SPRED1: variants seen among roughly 807,000 people sequenced by gnomAD.
SPRED1 encodes sprouty-related, EVH1 domain-containing protein 1.
In SPRED1, 18 loss-of-function variants were observed where a neutral mutation model predicts 52.3. The observed-to-expected ratio is 0.34, with a 90% confidence interval of 0.24 to 0.51. The LOEUF is 0.51. Ranked by LOEUF, SPRED1 falls within the 20% of genes least tolerant of loss-of-function variation. SPRED1 has a pLI of 0.97. For missense variants in SPRED1, 485 were observed against 551.0 expected (o/e 0.88, Z 1.20); for synonymous variants, 155 against 179.7 (o/e 0.86, Z 1.10).
At chr15:38,268,917 A>G (rs137994512) in intron 1 of SPRED1, among the ~76,000 whole-genome samples, 2 of 151,260 alleles carry the variant, frequency 1.3e-5, no homozygotes, top group African/African-American at 4.8e-5. Flanking sequence ...AACAGAAATC[A>G]TATTTATAGT....
In SPRED1 at chr15:38,354,327, A is replaced by T. The variant is rs1429664834; in HGVS notation, c.*2663A>T. The T allele has an allele frequency of 6.6e-6, 1 of 152,260 alleles. No homozygotes were observed. The highest frequency in any genetic ancestry group is 1.5e-5 in the Non-Finnish European group (1 of 68,048). 9.4% of individuals were successfully genotyped at this position (152,260 alleles called of 1,614,324 possible). ...AAACTTTTCTTTGTTTTTATCTGAT[A>T]TAAGCAGATGGCTCAAGACAACTGC... is the stretch of plus-strand genomic sequence containing the variant. On this transcript the variant is annotated 3_prime_UTR_variant, in exon 7 of 7. Transcript: ENST00000299084.
chr15:38,349,619 G>A, intron 6 of SPRED1, 96 bp downstream of exon 6: 5 of 908,266 alleles, frequency 5.5e-6, no homozygotes, highest in South Asian at 4.3e-5. Context: ...TAGTTGAATT[G>A]TACTAGAAAA....
intron 1 of SPRED1, among the ~76,000 whole-genome samples, chr15:38,260,684 CTA>C (rs1474053309): frequency 1.3e-5 from 2 of 152,070 alleles, no homozygotes; most frequent in Non-Finnish European, 1.5e-5. Flanking sequence ...ATTTCAATAA[CTA>C]TGTCAATATA....
At chr15:38,317,715 A>T (rs1304105083) in intron 2 of SPRED1, among the ~76,000 whole-genome samples, 1 of 151,826 alleles carries the variant, frequency 6.6e-6, no homozygotes, top group Admixed American at 6.6e-5. Context: ...TAGCCCTTAA[A>T]ATTATTTTTG....
chr15:38,331,209 A>G (rs1014268757), intron 4 of SPRED1, among the ~76,000 whole-genome samples: 1 of 152,166 alleles, frequency 6.6e-6, no homozygotes, highest in East Asian at 1.9e-4. Context: ...TAGACAATAC[A>G]CATTAGCCTG....
intron 4 of SPRED1, among the ~76,000 whole-genome samples, chr15:38,335,754 T>A (rs1228822885): frequency 6.6e-6 from 1 of 152,018 alleles, no homozygotes; most frequent in Non-Finnish European, 1.5e-5. Flanking sequence ...TAAGACCCTG[T>A]CTCTTGAAAA....
intron 4 of SPRED1, among the ~76,000 whole-genome samples, chr15:38,338,282 C>T: frequency 8.1e-6 from 1 of 123,726 alleles, no homozygotes. Flanking sequence ...GGTCTTTTCT[C>T]ACCCATTTTT....
chr15:38,308,993 G>A (rs1895308457), intron 2 of SPRED1, among the ~76,000 whole-genome samples: 6 of 152,106 alleles, frequency 3.9e-5, no homozygotes, highest in Admixed American at 3.9e-4. Context: ...ATTTCAAGTA[G>A]CCACTATTTT....
Position 38,321,835 on chromosome 15 carries a change from T to A in SPRED1, c.208-406T>A, listed in dbSNP as rs190257938. Among the ~76,000 whole-genome samples the A allele has an allele frequency of 5.2e-3, 788 of 152,198 alleles. 1 individual carries two copies. Among genetic ancestry groups the A allele is most frequent in the Admixed American group, 7.5e-3 (114 of 15,280 alleles). On this transcript the variant is annotated intron_variant, in intron 2 of 6. Coordinates refer to ENST00000299084, the MANE Select transcript of SPRED1 (RefSeq NM_152594.3). ...GTCTCAAACTCCTGATTTCAAGTGATCCGCCCGCCTCGGCCTCCCAAAGTG... is the reference window on the plus strand; with the variant it reads ...GTCTCAAACTCCTGATTTCAAGTGAACCGCCCGCCTCGGCCTCCCAAAGTG...
intron 2 of SPRED1, among the ~76,000 whole-genome samples, chr15:38,319,804 TTAA>T (rs933387198): frequency 4.6e-5 from 7 of 152,332 alleles, no homozygotes; most frequent in Middle Eastern, 3.4e-3. Flanking sequence ...TATTTCTGAA[TTAA>T]TAAAACTTAC....
chr15:38,337,820 T>C (rs1360163076), intron 4 of SPRED1, among the ~76,000 whole-genome samples: 1 of 151,882 alleles, frequency 6.6e-6, no homozygotes, highest in African/African-American at 2.4e-5. Context: ...CAATATCTTA[T>C]AATTACCACT....
At chr15:38,292,063 T>A (rs189280704) in intron 1 of SPRED1, among the ~76,000 whole-genome samples, 1 of 152,340 alleles carries the variant, frequency 6.6e-6, no homozygotes, top group Admixed American at 6.5e-5. Flanking sequence ...ACCTTTTGAA[T>A]GCTTTGCTGC....
At chr15:38,282,318 T>TAC (rs36184596) in intron 1 of SPRED1, among the ~76,000 whole-genome samples, 2,760 of 59,136 alleles carry the variant, frequency 0.047, 44 homozygotes, top group African/African-American at 0.076. Context: ...CTACTAAAAA[T>TAC]ACACACACAC....
chr15:38,340,807 G>A (rs776654370), intron 5 of SPRED1, among the ~76,000 whole-genome samples: 6 of 152,134 alleles, frequency 3.9e-5, no homozygotes, highest in Non-Finnish European at 8.8e-5. Context: ...TGGGATTACA[G>A]GCATGAGCCA....
chr15:38,254,285 TA>T (rs1006846602), intron 1 of SPRED1, among the ~76,000 whole-genome samples: 4 of 152,218 alleles, frequency 2.6e-5, no homozygotes, highest in Admixed American at 2.0e-4. Flanking sequence ...AATAACTTTT[TA>T]AAGTCTGTAC....
Position 38,289,003 on chromosome 15 carries a change from T to G in SPRED1, c.33-10370T>G, listed in dbSNP as rs569243291. Among the ~76,000 whole-genome samples the G allele has an allele frequency of 2.0e-5, 3 of 152,312 alleles. No homozygotes were observed. The East Asian group carries it at 5.8e-4, about 29-fold the overall frequency. On this transcript the variant is annotated intron_variant, in intron 1 of 6. Coordinates refer to ENST00000299084, the MANE Select transcript of SPRED1 (RefSeq NM_152594.3). ...TTCCAAATACAACATCATAACTTCC[T>G]TCGGAATTTAAACTACAGGTTTCCT...
intron 4 of SPRED1, among the ~76,000 whole-genome samples, chr15:38,331,536 G>A (rs554357132): frequency 6.6e-6 from 1 of 152,190 alleles, no homozygotes; most frequent in South Asian, 2.1e-4. Context: ...TACAGGTTGA[G>A]CATCCCTAAT....
rs1405729981 is a variant in SPRED1 at position 38,351,962 on chromosome 15, AT to A, written c.*303del. The A allele has an allele frequency of 2.3e-6, 1 of 428,750 alleles. No individual in the cohort carries two copies. Among genetic ancestry groups the A allele is most frequent in the Non-Finnish European group, 4.2e-6 (1 of 237,006 alleles). The allele number at this position is 428,750 out of a possible 1,614,324, so 26.6% of individuals were successfully genotyped here. ...CAACTAAAAGGGATTAATTTTTGGC[AT>A]TTTTGTATATTTATGCATTAGGTGA... is the stretch of plus-strand genomic sequence containing the variant. On this transcript the variant is annotated 3_prime_UTR_variant, in exon 7 of 7. Coordinates refer to ENST00000299084, the MANE Select transcript of SPRED1 (RefSeq NM_152594.3).
intron 5 of SPRED1, among the ~76,000 whole-genome samples, chr15:38,345,076 A>G (rs1379460720): frequency 6.6e-6 from 1 of 152,180 alleles, no homozygotes; most frequent in Non-Finnish European, 1.5e-5. Flanking sequence ...GCAGTTTTCC[A>G]TTTGTATGTG....
Sources: gnomAD v4.1 joint callset for allele counts (sites outside exome capture counted in the v4.1 genomes callset) on GRCh38, gnomAD v4.1.1 for gene constraint, MANE v1.5 for transcripts, NCBI Gene and HGNC (gene_info 2026-07-23, HGNC 2026-07-21) for gene names.